The following ERBB4 variants were observed in gnomAD, a reference collection of about 807,000 sequenced individuals.
The protein encoded by ERBB4 is receptor tyrosine-protein kinase erbB-4.
Under a neutral mutation model 158.0 loss-of-function variants are expected in ERBB4, and 42 were observed. That is an observed-to-expected ratio of 0.27 (90% CI 0.21 to 0.34). ERBB4 has a LOEUF of 0.34. Ranked by LOEUF, ERBB4 falls within the 10% of genes least tolerant of loss-of-function variation. The probability of loss-of-function intolerance (pLI) is 1.00; values close to 1 mark genes in which losing one functional copy is unlikely to be tolerated. For missense variants in ERBB4, 1,333 were observed against 1,624.1 expected, an observed-to-expected ratio of 0.82 and a Z score of 3.08; for synonymous variants, 583 against 558.7, an observed-to-expected ratio of 1.04 and a Z score of -0.61.
chr2:211,737,293 G>T (rs561826703), intron 5 of ERBB4, among the ~76,000 whole-genome samples: 91 of 151,990 alleles, frequency 6.0e-4, no homozygotes, highest in Non-Finnish European at 1.0e-3. Flanking sequence ...TCCAGGAAGG[G>T]GACACAATCT....
intron 19 of ERBB4, among the ~76,000 whole-genome samples, chr2:211,602,614 T>C (rs1316211857): frequency 6.6e-6 from 1 of 152,126 alleles, no homozygotes; most frequent in Non-Finnish European, 1.5e-5. Context: ...TAGGGTACCA[T>C]ATAAAGTATC....
intron 1 of ERBB4, among the ~76,000 whole-genome samples, chr2:212,341,986 T>C (rs1252740546): frequency 6.6e-6 from 1 of 152,086 alleles, no homozygotes; most frequent in African/African-American, 2.4e-5. Context: ...GGGCTGGACA[T>C]GGTGGTTCAG....
chr2:211,843,414 T>C lies in ERBB4; in HGVS notation c.422-55255A>G, dbSNP rs889821996. Reference sequence around the variant, plus strand: ...AGGCTGGTGCACATGTGCGTGCGTGTGCACACACACACACACACACACAGC... The same window carrying C: ...AGGCTGGTGCACATGTGCGTGCGTGCGCACACACACACACACACACACAGC... On this transcript the variant is annotated intron_variant, in intron 3 of 27. Coordinates refer to ENST00000342788, the MANE Select transcript of ERBB4 (RefSeq NM_005235.3). Among the ~76,000 whole-genome samples, 6 of 114,696 alleles carry C rather than the reference T, an allele frequency of 5.2e-5. No individual in the cohort carries two copies. In the South Asian group the frequency reaches 9.9e-4, roughly 19 times the overall value. 75.2% of individuals were successfully genotyped at this position (114,696 alleles called of 152,430 possible).
intron 2 of ERBB4, among the ~76,000 whole-genome samples, chr2:212,086,899 A>G (rs2078630872): frequency 6.6e-6 from 1 of 151,976 alleles, no homozygotes; most frequent in Non-Finnish European, 1.5e-5. Context: ...CCAAGCACCG[A>G]ACAAACTGTT....
At chr2:211,563,289 T>G in intron 19 of ERBB4, among the ~76,000 whole-genome samples, 1 of 152,170 alleles carries the variant, frequency 6.6e-6, no homozygotes, top group East Asian at 1.9e-4. Context: ...GCCAATAAAA[T>G]ATTGTTCATC....
intron 1 of ERBB4, among the ~76,000 whole-genome samples, chr2:212,150,602 A>G (rs891397644): frequency 2.6e-5 from 4 of 152,164 alleles, no homozygotes; most frequent in Non-Finnish European, 5.9e-5. Flanking sequence ...GATAATTTTG[A>G]GAATCCAATG....
At chr2:212,173,554 C>T (rs1216993847) in intron 1 of ERBB4, among the ~76,000 whole-genome samples, 1 of 152,106 alleles carries the variant, frequency 6.6e-6, no homozygotes, top group Non-Finnish European at 1.5e-5. Flanking sequence ...TAGGAAATAC[C>T]TGGTATATAA....
chr2:212,319,109 T>C (rs2087436733), intron 1 of ERBB4, among the ~76,000 whole-genome samples: 1 of 151,688 alleles, frequency 6.6e-6, no homozygotes, highest in Non-Finnish European at 1.5e-5. Flanking sequence ...GCTCATTTTG[T>C]GGCACAAGTC....
intron 5 of ERBB4, among the ~76,000 whole-genome samples, chr2:211,747,344 C>T (rs2106200648): frequency 6.6e-6 from 1 of 152,230 alleles, no homozygotes; most frequent in African/African-American, 2.4e-5. Context: ...AAGATCATCC[C>T]TCCCACCCCT....
chr2:211,990,321 C>A (rs2082039002), intron 2 of ERBB4, among the ~76,000 whole-genome samples: 1 of 151,778 alleles, frequency 6.6e-6, no homozygotes, highest in Non-Finnish European at 1.5e-5. Flanking sequence ...GAGTTACTGC[C>A]ACTTCAATGT....
rs531625037 is a variant in ERBB4 at position 212,383,135 on chromosome 2, T to C, written c.82+155314A>G. Among the ~76,000 whole-genome samples the C allele has an allele frequency of 1.5e-4, 23 of 151,510 alleles. No individual in the cohort carries two copies. In the South Asian group the frequency reaches 4.6e-3, roughly 30 times the overall value. On this transcript the variant is annotated intron_variant, in intron 1 of 27. Coordinates refer to ENST00000342788, the MANE Select transcript of ERBB4 (RefSeq NM_005235.3). The stretch of plus-strand genomic sequence containing the variant: ...CAAGTGTGTTTACCTTTTTCTATAG[T>C]TTGATATTTTCAATAGCCATGATTT...
chr2:211,442,698 T>C (rs1011872083), intron 20 of ERBB4, among the ~76,000 whole-genome samples: 1 of 142,112 alleles, frequency 7.0e-6, no homozygotes, highest in Non-Finnish European at 1.5e-5. Context: ...TGTATACGTG[T>C]GTATATATGT....
At chr2:212,103,944 A>G (rs1458980605) in intron 2 of ERBB4, among the ~76,000 whole-genome samples, 3 of 152,130 alleles carry the variant, frequency 2.0e-5, no homozygotes, top group Admixed American at 6.6e-5. Flanking sequence ...GAACTGGATA[A>G]TTTGTTTAAA....
intron 1 of ERBB4, among the ~76,000 whole-genome samples, chr2:212,331,469 C>T (rs753132408): frequency 9.9e-5 from 15 of 151,592 alleles, no homozygotes; most frequent in Non-Finnish European, 1.6e-4. Context: ...AAGAAAGCAA[C>T]GTAGAGAAAT....
intron 16 of ERBB4, among the ~76,000 whole-genome samples, chr2:211,652,686 A>G (rs1287748258): frequency 1.3e-5 from 2 of 152,212 alleles, no homozygotes; most frequent in African/African-American, 4.8e-5. Context: ...AAATGTTTCA[A>G]ATAGCTGCCC....
chr2:212,273,228 T>C (rs1043427781), intron 1 of ERBB4, among the ~76,000 whole-genome samples: 2 of 151,828 alleles, frequency 1.3e-5, no homozygotes, highest in African/African-American at 2.4e-5. Flanking sequence ...TATCTTCACA[T>C]GCAAGAGTTT....
At chr2:212,388,084 A>T (rs2090737719) in intron 1 of ERBB4, among the ~76,000 whole-genome samples, 1 of 152,132 alleles carries the variant, frequency 6.6e-6, no homozygotes. Flanking sequence ...TTCTATATAG[A>T]TCCCTTGATA....
chr2:212,012,801 G>A (rs565849113), intron 2 of ERBB4, among the ~76,000 whole-genome samples: 27 of 151,954 alleles, frequency 1.8e-4, no homozygotes, highest in African/African-American at 2.2e-4. Flanking sequence ...CTGGAATGCC[G>A]TAGTGCAATC....
At chr2:211,574,140 A>G (rs111821403) in intron 19 of ERBB4, among the ~76,000 whole-genome samples, 19,215 of 152,252 alleles carry the variant, frequency 0.13, 1,667 homozygotes, top group Non-Finnish European at 0.18. Context: ...TGAATCTGGA[A>G]AAAAGCTGCA....
Sources: allele counts gnomAD v4.1 joint callset (sites outside exome capture counted in the v4.1 genomes callset), GRCh38; gene constraint gnomAD v4.1.1; transcripts MANE v1.5; gene names NCBI Gene and HGNC (gene_info 2026-07-23, HGNC 2026-07-21).